PHF24: variants seen among roughly 807,000 people sequenced by gnomAD.
The protein encoded by PHF24 is Galpha inhibitory interacting protein.
In PHF24, 25 loss-of-function variants were observed where a neutral mutation model predicts 42.6. The observed-to-expected ratio is 0.59, with a 90% CI of 0.43 to 0.82. The LOEUF (loss-of-function observed/expected upper bound fraction) is 0.82, where lower values mean the gene tolerates loss of function less well. Ranked by LOEUF, PHF24 falls within the 40% of genes least tolerant of loss-of-function variation. The pLI, the probability that PHF24 is intolerant of heterozygous loss-of-function variation, is 0.00. For missense variants in PHF24, 470 were observed against 538.1 expected (o/e 0.87, Z 1.25); for synonymous variants, 185 against 204.8 (o/e 0.90, Z 0.83).
chr9:34,884,825 C>A, the PHF24 span, among the ~76,000 whole-genome samples: 1 of 152,318 alleles, frequency 6.6e-6, no homozygotes, highest in African/African-American at 2.4e-5. Flanking sequence ...ACTTTCACTT[C>A]TGCACTCAGC....
the PHF24 span, among the ~76,000 whole-genome samples, chr9:34,935,757 G>A: frequency 3.3e-5 from 5 of 151,992 alleles, no homozygotes; most frequent in South Asian, 1.0e-3. Context: ...GTGTGTGTGT[G>A]TGTGTCAACA....
At chr9:34,971,211 G>A in intron 1 of PHF24, 84 bp from the exon 2 acceptor site, 1 of 1,460,694 alleles carries the variant, frequency 6.8e-7, no homozygotes, top group Admixed American at 2.2e-5. Flanking sequence ...CTGTTTAATA[G>A]CCCTTGCCAC....
At chr9:34,802,790 A>C in the PHF24 span, among the ~76,000 whole-genome samples, 1 of 152,100 alleles carries the variant, frequency 6.6e-6, no homozygotes, top group Non-Finnish European at 1.5e-5. Flanking sequence ...TGAGCCTCTG[A>C]TCCTCCTATC....
chr9:34,729,460 C>T, the PHF24 span: 2 of 1,527,242 alleles, frequency 1.3e-6, no homozygotes, highest in Admixed American at 2.1e-5. Context: ...GATCAACCAT[C>T]CCTCTATCTC....
At chr9:34,713,113 T>C in the PHF24 span, among the ~76,000 whole-genome samples, 1 of 152,254 alleles carries the variant, frequency 6.6e-6, no homozygotes, top group African/African-American at 2.4e-5. Flanking sequence ...GCCATCAATT[T>C]GTGGTGACTT....
At chr9:34,765,321 T>C in the PHF24 span, among the ~76,000 whole-genome samples, 1 of 150,166 alleles carries the variant, frequency 6.7e-6, no homozygotes, top group South Asian at 2.2e-4. Flanking sequence ...CCCATTATTA[T>C]TGTGTGGGCG....
the PHF24 span, among the ~76,000 whole-genome samples, chr9:34,819,288 G>T: frequency 6.6e-6 from 1 of 151,894 alleles, no homozygotes; most frequent in South Asian, 2.1e-4. Context: ...ATTGATTTCT[G>T]CTATCTTTAT....
chr9:34,755,040 A>G, the PHF24 span, among the ~76,000 whole-genome samples: 3 of 152,126 alleles, frequency 2.0e-5, no homozygotes, highest in Non-Finnish European at 4.4e-5. Context: ...GAGTAGAATA[A>G]TGGTTACCAG....
chr9:34,898,384 G>T, the PHF24 span, among the ~76,000 whole-genome samples: 499 of 152,176 alleles, frequency 3.3e-3, 4 homozygotes, highest in African/African-American at 0.011. Flanking sequence ...GAGTAAGGCG[G>T]TATCACATTG....
the PHF24 span, among the ~76,000 whole-genome samples, chr9:34,866,957 T>C: frequency 6.6e-6 from 1 of 152,204 alleles, no homozygotes; most frequent in African/African-American, 2.4e-5. Flanking sequence ...TTTCAAGTAC[T>C]GAAACTAAAT....
chr9:34,821,273 T>C, the PHF24 span, among the ~76,000 whole-genome samples: 1 of 152,252 alleles, frequency 6.6e-6, no homozygotes, highest in African/African-American at 2.4e-5. Context: ...TTAAAACATT[T>C]TATTTATTTC....
At chr9:34,963,544 AAAGG>A (rs149769116) in intron 1 of PHF24, among the ~76,000 whole-genome samples, 457 of 152,276 alleles carry the variant, frequency 3.0e-3, no homozygotes, top group African/African-American at 0.01. Context: ...AACCCAGGAC[AAAGG>A]AAGTGCATTT....
At chr9:34,740,816 G>T in the PHF24 span, among the ~76,000 whole-genome samples, 2 of 152,102 alleles carry the variant, frequency 1.3e-5, no homozygotes, top group South Asian at 4.1e-4. Context: ...CCATTAAAAA[G>T]GATGAGGTAG....
At chr9:34,876,485 C>T in the PHF24 span, among the ~76,000 whole-genome samples, 13 of 152,084 alleles carry the variant, frequency 8.5e-5, no homozygotes, top group African/African-American at 2.6e-4. Context: ...TAGTCAACAA[C>T]AAAAATCTCA....
chr9:34,796,907 A>G, the PHF24 span, among the ~76,000 whole-genome samples: 1 of 152,244 alleles, frequency 6.6e-6, no homozygotes, highest in East Asian at 1.9e-4. Context: ...CCAAAAATGG[A>G]AACAACCCAA....
At chr9:34,774,546 T>C in the PHF24 span, among the ~76,000 whole-genome samples, 1 of 152,062 alleles carries the variant, frequency 6.6e-6, no homozygotes, top group Non-Finnish European at 1.5e-5. Context: ...CGGAGGTAGG[T>C]GGATCACCTG....
At chr9:34,670,835 A>T in the PHF24 span, among the ~76,000 whole-genome samples, 1 of 152,132 alleles carries the variant, frequency 6.6e-6, no homozygotes, top group Non-Finnish European at 1.5e-5. Flanking sequence ...GAAAGATGGG[A>T]CATAGCCACC....
chr9:34,898,181 T>A, the PHF24 span, among the ~76,000 whole-genome samples: 1 of 152,178 alleles, frequency 6.6e-6, no homozygotes, highest in Non-Finnish European at 1.5e-5. Context: ...TTCCTCCAGG[T>A]AGATACCCAG....
the PHF24 span, among the ~76,000 whole-genome samples, chr9:34,830,499 G>A: frequency 4.7e-4 from 71 of 152,280 alleles, 1 homozygote; most frequent in Admixed American, 4.2e-3. Context: ...CTTAACCCAA[G>A]TAACTGGAGA....
Sources: gnomAD v4.1 joint callset for allele counts (sites outside exome capture counted in the v4.1 genomes callset) on GRCh38, gnomAD v4.1.1 for gene constraint, MANE v1.5 for transcripts, NCBI Gene and HGNC (gene_info 2026-07-23, HGNC 2026-07-21) for gene names.